RAD51B: variants seen among roughly 807,000 people sequenced by gnomAD.
RAD51B encodes RAD51 paralog B, also known as DNA repair protein RAD51 homolog 2.
RAD51B carries 38 observed loss-of-function variants against 42.2 expected under a neutral mutation model. The observed-to-expected ratio is 0.90, with a 90% CI of 0.70 to 1.18. The LOEUF (loss-of-function observed/expected upper bound fraction) is 1.18. Ranked by LOEUF, RAD51B falls within the 50% of genes most tolerant of loss-of-function variation. RAD51B has a pLI of 0.00. For synonymous variants in RAD51B, 154 were observed against 145.2 expected (o/e 1.06, Z -0.43); for missense variants, 373 against 400.7 (o/e 0.93, Z 0.59).
At chr14:68,236,516 A>G (rs1438476697) in intron 7 of RAD51B, 1 of 152,300 alleles carries the variant, frequency 6.6e-6, no homozygotes, top group Non-Finnish European at 1.5e-5. Flanking sequence ...AGCTGGGACT[A>G]TAGGTGCCAC....
At position 68,260,319 on chromosome 14, in the gene RAD51B, G is replaced by GTGTGTGTGTGTGTGTGTGTGTGTGTGT. The variant is rs1555383057; in HGVS notation, c.757-31565_757-31564insTGTGTGTGTGTGTGTGTGTGTGTGTGT. 9.7e-4 allele frequency among the ~76,000 whole-genome samples: 132 copies of GTGTGTGTGTGTGTGTGTGTGTGTGTGT among 136,076 alleles called. 6 individuals are homozygous for GTGTGTGTGTGTGTGTGTGTGTGTGTGT. The highest frequency in any genetic ancestry group is 1.7e-3 in the African/African-American group (50 of 28,810). 89.3% of individuals were successfully genotyped at this position (136,076 alleles called of 152,430 possible). The stretch of plus-strand genomic sequence containing the variant: ...AGACCGTGTGTGTGTGTGTGTGTGT[G>GTGTGTGTGTGTGTGTGTGTGTGTGTGT]GAGAGGGGAAGACAGCGGGGGTAGA... On this transcript the variant is annotated intron_variant, in intron 7 of 10. Coordinates refer to ENST00000471583, the MANE Select transcript of RAD51B (RefSeq NM_133510.4).
rs770589242 is a variant in RAD51B, at chr14:68,289,929, G to A, written c.757-1955G>A. On this transcript the variant is annotated intron_variant, in intron 7 of 10. Coordinates refer to ENST00000471583, the MANE Select transcript of RAD51B (RefSeq NM_133510.4). Reference sequence around the variant, plus strand: ...AATCCTGCAATATCTGATTATTGCTGCAGAGTGACTGGAGACTCACAAGCC... The same window carrying A: ...AATCCTGCAATATCTGATTATTGCTACAGAGTGACTGGAGACTCACAAGCC... Among the ~76,000 whole-genome samples the A allele has an allele frequency of 8.5e-5, 13 of 152,162 alleles. 1 individual carries two copies. Among genetic ancestry groups the A allele is most frequent in the Non-Finnish European group, 1.0e-4 (7 of 68,028 alleles).
chr14:68,523,455 C>T (rs370368689), intron 10 of RAD51B, among the ~76,000 whole-genome samples: 2 of 152,162 alleles, frequency 1.3e-5, no homozygotes, highest in African/African-American at 2.4e-5. Context: ...GTGAAGGCAA[C>T]GTAGCACTGT....
intron 7 of RAD51B, among the ~76,000 whole-genome samples, chr14:68,038,136 C>CT (rs1158156427): frequency 6.6e-6 from 1 of 152,212 alleles, no homozygotes; most frequent in Non-Finnish European, 1.5e-5. Context: ...CTCTAATTCT[C>CT]TGAGTGGTTT....
intron 7 of RAD51B, among the ~76,000 whole-genome samples, chr14:68,102,297 T>C (rs1246177626): frequency 6.6e-6 from 1 of 152,230 alleles, no homozygotes; most frequent in East Asian, 1.9e-4. Flanking sequence ...CTTAAGCAAA[T>C]TTCTGTAGTC....
intron 7 of RAD51B, among the ~76,000 whole-genome samples, chr14:68,089,678 C>A (rs1326883473): frequency 1.3e-5 from 2 of 152,184 alleles, no homozygotes; most frequent in Non-Finnish European, 2.9e-5. Context: ...TCCCACCATC[C>A]CCTTTCCCCC....
intron 7 of RAD51B, among the ~76,000 whole-genome samples, chr14:68,150,579 A>T (rs978075023): frequency 6.6e-6 from 1 of 152,246 alleles, no homozygotes; most frequent in Admixed American, 6.5e-5. Flanking sequence ...ATGCTAGTCT[A>T]AATGGTATTG....
At chr14:68,535,556 C>T (rs560516005) in intron 10 of RAD51B, among the ~76,000 whole-genome samples, 3 of 152,304 alleles carry the variant, frequency 2.0e-5, no homozygotes, top group South Asian at 4.1e-4. Flanking sequence ...GTCGAGCTTA[C>T]AGCAGGCCTT....
At chr14:67,985,935 T>G (rs895274589) in intron 7 of RAD51B, among the ~76,000 whole-genome samples, 23 of 151,710 alleles carry the variant, frequency 1.5e-4, no homozygotes, top group African/African-American at 5.1e-4. Flanking sequence ...AAGAAAGAAA[T>G]AAAGAAAAGT....
At chr14:67,974,610 A>T (rs994966073) in intron 7 of RAD51B, among the ~76,000 whole-genome samples, 4 of 152,166 alleles carry the variant, frequency 2.6e-5, no homozygotes, top group Non-Finnish European at 4.4e-5. Flanking sequence ...TATTAGATCA[A>T]AACAAGTGAA....
chr14:67,876,218 G>C lies in RAD51B; in HGVS notation c.453-9651G>C, dbSNP rs192617389. ...TGATGAATGAACAGAGATATAGTAC[G>C]TATGTACAAGAAGCTTTGAGAAGCA... On this transcript the variant is annotated intron_variant, in intron 5 of 10. Coordinates refer to ENST00000471583, the MANE Select transcript of RAD51B (RefSeq NM_133510.4). 7.2e-5 allele frequency among the ~76,000 whole-genome samples: 11 copies of C among 152,210 alleles called. No individual in the cohort carries two copies. The East Asian group carries it at 2.1e-3, about 29-fold the overall frequency.
At chr14:67,999,805 G>A (rs1212224345) in intron 7 of RAD51B, among the ~76,000 whole-genome samples, 6 of 152,156 alleles carry the variant, frequency 3.9e-5, no homozygotes, top group Non-Finnish European at 8.8e-5. Context: ...TCTTCAGGGA[G>A]GAAATGATAT....
chr14:68,082,708 A>AT (rs926687124), intron 7 of RAD51B, among the ~76,000 whole-genome samples: 4 of 151,276 alleles, frequency 2.6e-5, no homozygotes, highest in African/African-American at 4.9e-5. Context: ...CTGTATTATA[A>AT]TTTTTTTTTA....
At chr14:67,970,018 C>T (rs1025787459) in intron 7 of RAD51B, among the ~76,000 whole-genome samples, 2 of 152,154 alleles carry the variant, frequency 1.3e-5, no homozygotes, top group African/African-American at 4.8e-5. Context: ...ATACCACGAA[C>T]AAAAGGTTGG....
chr14:67,876,469 C>T (rs1045057575), intron 5 of RAD51B, among the ~76,000 whole-genome samples: 51 of 152,166 alleles, frequency 3.4e-4, no homozygotes, highest in African/African-American at 1.1e-3. Flanking sequence ...GAACTGATTA[C>T]GAAAGAAGTC....
At chr14:67,999,713 G>A (rs2075446203) in intron 7 of RAD51B, among the ~76,000 whole-genome samples, 1 of 152,130 alleles carries the variant, frequency 6.6e-6, no homozygotes, top group Non-Finnish European at 1.5e-5. Context: ...ATATCATAGA[G>A]GTTCATTAAG....
At chr14:68,192,485 G>A (rs10144531) in intron 7 of RAD51B, among the ~76,000 whole-genome samples, 2,379 of 152,212 alleles carry the variant, frequency 0.016, 61 homozygotes, top group African/African-American at 0.052. Context: ...GATGATAATA[G>A]AAACACTAAG....
At chr14:67,871,372 C>T (rs1346414138) in intron 5 of RAD51B, among the ~76,000 whole-genome samples, 4 of 152,086 alleles carry the variant, frequency 2.6e-5, no homozygotes, top group African/African-American at 9.7e-5. Context: ...ATACACTCTC[C>T]CAAGACTAAA....
intron 7 of RAD51B, among the ~76,000 whole-genome samples, chr14:67,966,407 T>C (rs2074778410): frequency 6.6e-6 from 1 of 152,228 alleles, no homozygotes; most frequent in South Asian, 2.1e-4. Flanking sequence ...CTGCTCAACC[T>C]TTGTCCTTTT....
Sources: gnomAD v4.1 joint callset for allele counts (sites outside exome capture counted in the v4.1 genomes callset) on GRCh38, gnomAD v4.1.1 for gene constraint, MANE v1.5 for transcripts, NCBI Gene and HGNC (gene_info 2026-07-23, HGNC 2026-07-21) for gene names.